Variants in SPATA31C2 observed in about 807,000 individuals in gnomAD.
SPATA31C2 encodes the protein spermatogenesis-associated protein 31C2.
A neutral mutation model predicts 11.4 loss-of-function variants in SPATA31C2; 5 were observed. That is an observed-to-expected ratio of 0.44 (90% CI 0.23 to 0.92). The LOEUF is 0.92. Ranked by LOEUF, SPATA31C2 falls within the 40% of genes least tolerant of loss-of-function variation. SPATA31C2 has a pLI of 0.24. For synonymous variants in SPATA31C2, 515 were observed against 538.7 expected (o/e 0.96, Z 0.61); for missense variants, 1,353 against 1,368.6 (o/e 0.99, Z 0.18).
Position 88,133,661 on chromosome 9 carries a change from A to G in SPATA31C2, c.198T>C (p.Leu66=), listed in dbSNP as rs1045855382. Residue 66 remains leucine (L), a synonymous_variant, in exon 2 of 4, where the codon CTT becomes CTC. Coordinates refer to ENST00000324915, the MANE Select transcript of SPATA31C2 (RefSeq NM_001350978.3). ...SPSPRKRKRH[L]VSQRPAGRRG... is the part of the protein sequence containing the mutation. ...TCCGCCCTGCTGGACGCTGGGAGAC[A>G]AGATGACGCTGGGAGACAAGAAATG... 8.1e-6 allele frequency: 13 copies of G among 1,596,296 alleles called. No individual in the cohort carries two copies. Among genetic ancestry groups the G allele is most frequent in the Non-Finnish European group, 1.0e-5 (12 of 1,166,046 alleles).
chr9:88,133,768 T>C (rs1825641065), intron 1 of SPATA31C2, 99 bp from the exon 2 acceptor site: 1 of 1,427,894 alleles, frequency 7.0e-7, no homozygotes, highest in Non-Finnish European at 9.4e-7. Flanking sequence ...TGGCTCTGTC[T>C]GTCTTGCTCA....
rs765727116 is a variant in SPATA31C2 at position 88,130,452 on chromosome 9, C to G, written c.2585G>C (p.Gly862Ala). The G allele has an allele frequency of 6.2e-7, 1 of 1,613,306 alleles. No individual in the cohort carries two copies. Among genetic ancestry groups the G allele is most frequent in the African/African-American group, 1.3e-5 (1 of 75,006 alleles). The part of the protein sequence containing the change: ...MEEAVSEFEP[G>A]KATKSETQPQ... ...CTGGGTCTCTGACTTCGTGGCCTTT[C>G]CAGGCTCAAATTCACTAACAGCCTC... The change falls in exon 4 of 4, where the codon GGA (glycine) becomes GCA (alanine). Residue 862 changes from glycine to alanine, a missense_variant. Physicochemically the swap from Gly to Ala is moderately conservative, Grantham distance 60. This residue lies in a region of SPATA31C2 where 1,075 missense variants were observed against 992.8 expected (regional missense o/e 1.08). Transcript: ENST00000324915.
intron 1 of SPATA31C2, among the ~76,000 whole-genome samples, chr9:88,134,138 A>T (rs1415315942): frequency 6.7e-6 from 1 of 148,586 alleles, no homozygotes; most frequent in Non-Finnish European, 1.5e-5. Context: ...CTGCACAAAA[A>T]ACAAAATAAA....
In SPATA31C2 at chr9:88,131,559, G is replaced by A. The variant is rs763977811; in HGVS notation, c.1478C>T (p.Thr493Met). The A allele has an allele frequency of 9.3e-6, 15 of 1,611,638 alleles. No individual in the cohort carries two copies. Among genetic ancestry groups the A allele is most frequent in the Middle Eastern group, 2.2e-4 (1 of 4,452 alleles). ...KGKPRPWQSSTSTGESSKEAQ... is the reference protein window; with the variant it reads ...KGKPRPWQSSMSTGESSKEAQ... ...CTCCTTGCTGCTTTCACCTGTGGAC[G>A]TGGAGGACTGCCAGGGCCTGGGTTT... The change falls in exon 4 of 4, where the codon ACG (threonine) becomes ATG (methionine). Residue 493 changes from threonine to methionine, a missense_variant. Thr to Met is a moderately conservative substitution (Grantham distance 81, BLOSUM62 -1). Around this residue, in one of 6 missense-constraint regions of SPATA31C2, gnomAD observed 1,075 missense variants for 992.8 expected, o/e 1.08. Coordinates refer to ENST00000324915, the MANE Select transcript of SPATA31C2 (RefSeq NM_001350978.3).
Position 88,129,730 on chromosome 9 carries a change from C to G in SPATA31C2, c.3307G>C (p.Glu1103Gln), listed in dbSNP as rs751876271. The G allele has an allele frequency of 1.4e-5, 23 of 1,603,162 alleles. No individual in the cohort carries two copies. The highest frequency in any genetic ancestry group is 2.0e-5 in the Non-Finnish European group (23 of 1,173,408). The change falls in exon 4 of 4, where the codon GAA (glutamate) becomes CAA (glutamine). Residue 1103 changes from glutamate to glutamine, a missense_variant. By Grantham distance (29) the Glu-to-Gln change is conservative. Transcript: ENST00000324915. The stretch of plus-strand genomic sequence containing the variant: ...GCATAGCTCAGCATTCTGCTGTGTT[C>G]TGAGTAGAACGGGTGTCTGTGGTTG... ...PCNHRHPFYS[E>Q]HSRMLSYAAS... is the part of the protein sequence containing the mutation.
chr9:88,133,806 C>A (rs1039322592), intron 1 of SPATA31C2, 137 bp from the exon 2 acceptor site: 1 of 1,326,542 alleles, frequency 7.5e-7, no homozygotes, highest in Non-Finnish European at 1.1e-6. Context: ...CCTCCCCTCC[C>A]ACTCATGTTT....
At position 88,130,657 on chromosome 9, in the gene SPATA31C2, C is replaced by G; in HGVS notation, c.2380G>C (p.Ala794Pro). The stretch of plus-strand genomic sequence containing the variant: ...GGCACTGCCTCCCTGGTCTCTCCAG[C>G]CCTTGAAGATTGGGCTCCTAAGCTC... ...SRSLGAQSSR[A>P]GETREAVPQP... The change falls in exon 4 of 4, where the codon GCT becomes CCT. Residue 794 changes from alanine (A) to proline (P), a missense_variant. Physicochemically the swap from Ala to Pro is conservative, Grantham distance 27. Transcript: ENST00000324915. 2 of 1,613,890 alleles carry G rather than the reference C, an allele frequency of 1.2e-6. No individual in the cohort carries two copies. The highest frequency in any genetic ancestry group is 1.7e-6 in the Non-Finnish European group (2 of 1,179,850).
intron 1 of SPATA31C2, among the ~76,000 whole-genome samples, chr9:88,135,882 T>A (rs1246551777): frequency 5.5e-5 from 8 of 144,750 alleles, no homozygotes; most frequent in African/African-American, 2.1e-4. Flanking sequence ...AAATTCTATT[T>A]ATGTACTTAT....
rs1051680954 is a variant in SPATA31C2 at position 88,130,858 on chromosome 9, T to C, written c.2179A>G (p.Met727Val). The C allele has an allele frequency of 3.1e-6, 5 of 1,613,554 alleles. No individual in the cohort carries two copies. In the Admixed American group the frequency reaches 6.7e-5, roughly 22 times the overall value. ...KQVLTKPSVH[M>V]PERLQASSPA... ...GAGGAGGCCTGAAGCCTCTCTGGCA[T>C]GTGAACAGATGGTTTGGTCAGCACC... The change falls in exon 4 of 4, where the codon ATG (methionine) becomes GTG (valine). Residue 727 changes from methionine to valine, a missense_variant. By Grantham distance (21) the Met-to-Val change is conservative (BLOSUM62 1). Around this residue, in one of 6 missense-constraint regions of SPATA31C2, gnomAD observed 1,075 missense variants for 992.8 expected, o/e 1.08. Transcript: ENST00000324915.
At chr9:88,133,939 C>A (rs1305672083) in intron 1 of SPATA31C2, among the ~76,000 whole-genome samples, 1 of 152,116 alleles carries the variant, frequency 6.6e-6, no homozygotes, top group Non-Finnish European at 1.5e-5. Context: ...GGTGGATCAC[C>A]TGAGGTCAAG....
At chr9:88,134,365 T>G (rs1180966608) in intron 1 of SPATA31C2, among the ~76,000 whole-genome samples, 4 of 144,158 alleles carry the variant, frequency 2.8e-5, no homozygotes, top group Admixed American at 7.2e-5. Context: ...AGGCCCCATA[T>G]CACCCCACAC....
Position 88,131,128 on chromosome 9 carries a change from A to G in SPATA31C2, c.1909T>C (p.Phe637Leu), listed in dbSNP as rs771423053. Reference protein sequence around the residue: ...ACVNTAQVLSFLEPCTQQVLG... With the variant: ...ACVNTAQVLSLLEPCTQQVLG... ...ACCTGCTGAGTACACGGCTCAAGGA[A>G]GGAAAGCACCTGGGCTGTGTTCACA... The change falls in exon 4 of 4, where the codon TTC becomes CTC. Residue 637 changes from phenylalanine to leucine, a missense_variant. By Grantham distance (22) the Phe-to-Leu change is conservative. Transcript: ENST00000324915. The G allele has an allele frequency of 4.3e-6, 7 of 1,611,886 alleles. No homozygotes were observed. In the African/African-American group the frequency reaches 9.4e-5, roughly 22 times the overall value.
In SPATA31C2 at chr9:88,131,763, A is replaced by C; in HGVS notation, c.1274T>G (p.Val425Gly). ...RVQKSQDVFS[V>G]STPNLPQERL... ...TTCCTGGGGAAGGTTAGGAGTGGAG[A>C]CACTAAAGACGTCCTGAGATTTTTG... The change falls in exon 4 of 4, where the codon GTC (valine) becomes GGC (glycine). Residue 425 changes from valine to glycine, a missense_variant. This residue lies in a region of SPATA31C2 where 1,075 missense variants were observed against 992.8 expected (regional missense o/e 1.08). Coordinates refer to ENST00000324915, the MANE Select transcript of SPATA31C2 (RefSeq NM_001350978.3). 7.4e-6 allele frequency: 12 copies of C among 1,611,830 alleles called. No homozygotes were observed. Among genetic ancestry groups the C allele is most frequent in the Non-Finnish European group, 1.0e-5 (12 of 1,179,752 alleles).
rs761214800 is a variant in SPATA31C2 at position 88,129,712 on chromosome 9, T to C, written c.3325A>G (p.Ser1109Gly). ...PFYSEHSRML[S>G]YAASSQQATL... ...GCTTGTTGACTGCTGGCTGCATAGC[T>C]CAGCATTCTGCTGTGTTCTGAGTAG... The change falls in exon 4 of 4, where the codon AGC (serine) becomes GGC (glycine). Residue 1109 changes from serine (S) to glycine (G), a missense_variant. Ser to Gly is a moderately conservative substitution (Grantham distance 56). Around this residue, in one of 6 missense-constraint regions of SPATA31C2, gnomAD observed 187 missense variants for 205.8 expected, o/e 0.91. Coordinates refer to ENST00000324915, the MANE Select transcript of SPATA31C2 (RefSeq NM_001350978.3). 7 of 1,603,278 alleles carry C rather than the reference T, an allele frequency of 4.4e-6. No homozygotes were observed. In the East Asian group the frequency reaches 1.1e-4, roughly 26 times the overall value.
rs757345638 is a variant in SPATA31C2 at position 88,130,653 on chromosome 9, C to G, written c.2384G>C (p.Gly795Ala). 10 of 1,613,752 alleles carry G rather than the reference C, an allele frequency of 6.2e-6. No individual in the cohort carries two copies. The Admixed American group carries it at 1.2e-4, about 19-fold the overall frequency. ...RSLGAQSSRA[G>A]ETREAVPQPT... ...TTGTGGCACTGCCTCCCTGGTCTCTCCAGCCCTTGAAGATTGGGCTCCTAA... is the reference window on the plus strand; with the variant it reads ...TTGTGGCACTGCCTCCCTGGTCTCTGCAGCCCTTGAAGATTGGGCTCCTAA... The change falls in exon 4 of 4, where the codon GGA (glycine) becomes GCA (alanine). Residue 795 changes from glycine to alanine, a missense_variant. Physicochemically the swap from Gly to Ala is moderately conservative, Grantham distance 60 (BLOSUM62 0). Coordinates refer to ENST00000324915, the MANE Select transcript of SPATA31C2 (RefSeq NM_001350978.3).
intron 1 of SPATA31C2, among the ~76,000 whole-genome samples, chr9:88,136,258 G>A (rs1402066352): frequency 1.4e-5 from 2 of 144,752 alleles, no homozygotes; most frequent in East Asian, 4.0e-4. Flanking sequence ...ATGTCTCTCT[G>A]GGCTTGATAA....
chr9:88,137,929 ATCTCATGACCAGAGACCTCCCCCG>A (rs201184944), intron 1 of SPATA31C2, among the ~76,000 whole-genome samples: 1 of 106,480 alleles, frequency 9.4e-6, no homozygotes, highest in Non-Finnish European at 1.7e-5. Flanking sequence ...GAGACCTCCC[ATCTCATGACCAGAGACCTCCCCCG>A]TCTCATGACC....
intron 1 of SPATA31C2, chr9:88,134,750 G>T (rs1298560380): frequency 6.3e-7 from 1 of 1,584,586 alleles, no homozygotes; most frequent in Non-Finnish European, 8.6e-7. Flanking sequence ...CTGTGGGTCT[G>T]GACTGAGAGC....
chr9:88,132,633 CT>C lies in SPATA31C2; in HGVS notation c.403del (p.Arg135GlufsTer24). ...GPDPPGEVGK[R>X]TPDGASRSSH... ...GGACCGGGAGGCTCCATCAGGTGTT[CT>C]TTTGCCCACCTCACCTGGCGGGTCT... is the stretch of plus-strand genomic sequence containing the variant. On this transcript the variant is annotated frameshift_variant, in exon 4 of 4. Coordinates refer to ENST00000324915, the MANE Select transcript of SPATA31C2 (RefSeq NM_001350978.3). LOFTEE classifies it low-confidence loss of function (END_TRUNC). The C allele has an allele frequency of 1.9e-6, 3 of 1,609,464 alleles. No individual in the cohort carries two copies. Among genetic ancestry groups the C allele is most frequent in the Non-Finnish European group, 2.5e-6 (3 of 1,177,456 alleles).
Sources: allele counts gnomAD v4.1 joint callset (sites outside exome capture counted in the v4.1 genomes callset), GRCh38; gene constraint gnomAD v4.1.1; regional missense constraint gnomAD v4.1.1; transcripts MANE v1.5; gene names NCBI Gene and HGNC (gene_info 2026-07-23, HGNC 2026-07-21).